Variants in IL1RAPL2 observed in about 807,000 individuals in gnomAD.
IL1RAPL2 encodes the protein X-linked interleukin-1 receptor accessory protein-like 2.
In IL1RAPL2, 3 loss-of-function variants were observed where a neutral mutation model predicts 44.1. That is an observed-to-expected ratio of 0.07 (90% confidence interval 0.03 to 0.18). IL1RAPL2 has a LOEUF of 0.18. Among genes scored for constraint, IL1RAPL2 ranks in the 10% least tolerant of loss-of-function variants. IL1RAPL2 has a pLI of 1.00. For synonymous variants in IL1RAPL2, 181 were observed against 178.8 expected (o/e 1.01, Z -0.10); for missense variants, 391 against 496.4 (o/e 0.79, Z 2.02).
At chrX:105,626,488 C>T (rs1008157975) in intron 6 of IL1RAPL2, among the ~76,000 whole-genome samples, 3 of 111,225 alleles carry the variant, frequency 2.7e-5, no homozygotes, top group Admixed American at 9.6e-5. Flanking sequence ...GGTGGTTTTC[C>T]GGGTACTTCT....
At chrX:104,948,813 G>A (rs1479427091) in intron 2 of IL1RAPL2, among the ~76,000 whole-genome samples, 7 of 109,289 alleles carry the variant, frequency 6.4e-5, no homozygotes, top group African/African-American at 9.9e-5. Context: ...TGCTGGATTC[G>A]GTTTGCCAGT....
chrX:104,973,627 TC>T (rs1204594154), intron 2 of IL1RAPL2, among the ~76,000 whole-genome samples: 1 of 112,029 alleles, frequency 8.9e-6, no homozygotes, highest in Non-Finnish European at 1.9e-5. Context: ...GAAAATTTGG[TC>T]TTAAAATGTA....
At chrX:105,245,639 C>A (rs1944391570) in intron 4 of IL1RAPL2, among the ~76,000 whole-genome samples, 1 of 112,402 alleles carries the variant, frequency 8.9e-6, no homozygotes, top group Non-Finnish European at 1.9e-5. Flanking sequence ...GATAAGGATT[C>A]TTTTTTAAAT....
chrX:105,013,070 G>T (rs1170412324), intron 2 of IL1RAPL2, among the ~76,000 whole-genome samples: 3 of 111,108 alleles, frequency 2.7e-5, no homozygotes, highest in Non-Finnish European at 3.8e-5. Context: ...CTGTAGTGGA[G>T]TCTTGATATT....
chrX:104,813,686 T>C (rs1169606525), intron 2 of IL1RAPL2, among the ~76,000 whole-genome samples: 3 of 111,617 alleles, frequency 2.7e-5, no homozygotes, highest in Non-Finnish European at 1.9e-5. Flanking sequence ...ACTCAGCTTC[T>C]TTTCATTATT....
At chrX:105,671,789 T>A (rs1202411197) in intron 6 of IL1RAPL2, among the ~76,000 whole-genome samples, 4 of 111,747 alleles carry the variant, frequency 3.6e-5, no homozygotes, top group Non-Finnish European at 3.8e-5. Flanking sequence ...GGCTTGAATG[T>A]GAAACCTTTT....
At chrX:104,904,382 A>G (rs1298956824) in intron 2 of IL1RAPL2, among the ~76,000 whole-genome samples, 1 of 107,206 alleles carries the variant, frequency 9.3e-6, no homozygotes, top group East Asian at 3.0e-4. Flanking sequence ...TACATGTGCC[A>G]TGCTGGTGCG....
At chrX:105,309,411 A>G (rs145865405) in intron 5 of IL1RAPL2, among the ~76,000 whole-genome samples, 1,691 of 110,317 alleles carry the variant, frequency 0.015, 34 homozygotes, top group African/African-American at 0.052. Context: ...TTATTCATAG[A>G]TCTTCTTTTG....
intron 2 of IL1RAPL2, among the ~76,000 whole-genome samples, chrX:105,074,532 T>C (rs2032260952): frequency 9.1e-6 from 1 of 110,355 alleles, no homozygotes; most frequent in Middle Eastern, 4.7e-3. Flanking sequence ...TGGCTCTTTT[T>C]TGGTTCCATA....
At position 104,942,705 on chromosome X, in the gene IL1RAPL2, G is replaced by C. The variant is rs1282752506; in HGVS notation, c.83-252770G>C. Among the ~76,000 whole-genome samples the C allele has an allele frequency of 1.6e-4, 18 of 110,971 alleles. No individual in the cohort carries two copies. The East Asian group carries it at 1.7e-3, about 10-fold the overall frequency. On this transcript the variant is annotated intron_variant, in intron 2 of 10. Transcript: ENST00000372582. ...CTTTATTTCCTTCTCCTGCCTGATT[G>C]CCCTGGCCAGAACTTCCAACACTAT... is the stretch of plus-strand genomic sequence containing the variant.
chrX:105,177,819 A>G (rs993190284), intron 2 of IL1RAPL2, among the ~76,000 whole-genome samples: 3 of 111,775 alleles, frequency 2.7e-5, no homozygotes, highest in African/African-American at 9.8e-5. Context: ...AAAATTGTCA[A>G]TATTTGAACT....
intron 5 of IL1RAPL2, among the ~76,000 whole-genome samples, chrX:105,285,465 C>A (rs747601434): frequency 8.9e-6 from 1 of 111,929 alleles, no homozygotes; most frequent in African/African-American, 3.2e-5. Context: ...GCTACACAGA[C>A]TTTTGATTTA....
At chrX:104,911,935 C>T (rs926425627) in intron 2 of IL1RAPL2, among the ~76,000 whole-genome samples, 1 of 111,626 alleles carries the variant, frequency 9.0e-6, no homozygotes. Context: ...CAGGCCTTCA[C>T]TCAAATATCG....
intron 6 of IL1RAPL2, among the ~76,000 whole-genome samples, chrX:105,646,931 G>A (rs955545026): frequency 3.6e-5 from 4 of 112,414 alleles, no homozygotes; most frequent in African/African-American, 9.7e-5. Flanking sequence ...AGATGGTGGT[G>A]GGCCGCTCCC....
chrX:104,990,319 G>C (rs913037118), intron 2 of IL1RAPL2, among the ~76,000 whole-genome samples: 1 of 111,925 alleles, frequency 8.9e-6, no homozygotes, highest in African/African-American at 3.2e-5. Flanking sequence ...TGGGTAATGG[G>C]ATATTCTTCC....
At position 104,893,416 on chromosome X, in the gene IL1RAPL2, G is replaced by A. The variant is rs889732430; in HGVS notation, c.82+234421G>A. On this transcript the variant is annotated intron_variant, in intron 2 of 10. Coordinates refer to ENST00000372582, the MANE Select transcript of IL1RAPL2 (RefSeq NM_017416.2). ...AAAGTCTCCCATTATTATTGTGTGG[G>A]AGTCTAAGTCTCTTTGTAGGTCACT... Among the ~76,000 whole-genome samples, 5 of 111,291 alleles carry A rather than the reference G, an allele frequency of 4.5e-5. No individual in the cohort carries two copies. The South Asian group carries it at 1.9e-3, about 42-fold the overall frequency.
intron 2 of IL1RAPL2, among the ~76,000 whole-genome samples, chrX:105,176,269 A>G (rs2033472976): frequency 9.0e-6 from 1 of 111,143 alleles, no homozygotes; most frequent in South Asian, 3.9e-4. Flanking sequence ...CTGTAACTAC[A>G]CCCATTTCCC....
intron 1 of IL1RAPL2, among the ~76,000 whole-genome samples, chrX:104,633,385 T>C (rs1929702969): frequency 8.9e-6 from 1 of 111,930 alleles, no homozygotes; most frequent in African/African-American, 3.3e-5. Context: ...TCCCTCTTTT[T>C]CTATTGATTG....
chrX:104,902,390 A>C (rs995815703), intron 2 of IL1RAPL2, among the ~76,000 whole-genome samples: 13 of 112,156 alleles, frequency 1.2e-4, no homozygotes, highest in African/African-American at 4.2e-4. Context: ...CAACCGAAAC[A>C]ATTTTTTGTT....
Sources: allele counts gnomAD v4.1 joint callset (sites outside exome capture counted in the v4.1 genomes callset), GRCh38; gene constraint gnomAD v4.1.1; transcripts MANE v1.5; gene names NCBI Gene and HGNC (gene_info 2026-07-23, HGNC 2026-07-21).